GPR26: variants seen among roughly 807,000 people sequenced by gnomAD.
GPR26 encodes the protein G protein-coupled receptor 26.
In GPR26, 15 loss-of-function variants were observed where a neutral mutation model predicts 23.1. That is an observed-to-expected ratio of 0.65 (90% CI 0.43 to 1.00). The LOEUF (loss-of-function observed/expected upper bound fraction) is 1.00. Among genes scored for constraint, GPR26 ranks in the 50% least tolerant of loss-of-function variants. The pLI is 0.00. For synonymous variants in GPR26, 228 were observed against 222.1 expected (o/e 1.03, Z -0.24); for missense variants, 359 against 470.5 (o/e 0.76, Z 2.19).
At position 123,697,345 on chromosome 10, in the gene GPR26, TA is replaced by T. The variant is rs1247829105; in HGVS notation, c.*9186del. Among the ~76,000 whole-genome samples, 5 of 150,608 alleles carry T rather than the reference TA, an allele frequency of 3.3e-5. No homozygotes were observed. The highest frequency in any genetic ancestry group is 1.2e-4 in the African/African-American group (5 of 41,386). ...TTTTTATGATAGAATTGATGGTTAATACAGGGAAAAAGTATATATTGTGATT... is the reference window on the plus strand; with the variant it reads ...TTTTTATGATAGAATTGATGGTTAATCAGGGAAAAAGTATATATTGTGATT... On this transcript the variant is annotated 3_prime_UTR_variant, in exon 3 of 3. Coordinates refer to ENST00000284674, the MANE Select transcript of GPR26 (RefSeq NM_153442.4).
chr10:123,689,269 A>ATTTT lies in GPR26; in HGVS notation c.*1109_*1110insTTTT, dbSNP rs1564734211. 1 of 148,474 alleles carries ATTTT rather than the reference A, an allele frequency of 6.7e-6. No homozygotes were observed. The highest frequency in any genetic ancestry group is 2.5e-5 in the African/African-American group (1 of 40,372). 9.2% of individuals were successfully genotyped at this position (148,474 alleles called of 1,614,324 possible). ...GACAGTGAATTTTTTTTTTTTTTCG[A>ATTTT]GATGGGAGTTTCACTCTTATTGCCC... On this transcript the variant is annotated 3_prime_UTR_variant, in exon 3 of 3. Coordinates refer to ENST00000284674, the MANE Select transcript of GPR26 (RefSeq NM_153442.4).
intron 1 of GPR26, among the ~76,000 whole-genome samples, chr10:123,671,691 C>T (rs749651945): frequency 5.7e-4 from 86 of 152,110 alleles, no homozygotes; most frequent in Non-Finnish European, 8.8e-4. Context: ...TGAGAATGCC[C>T]GCCACTCAGT....
rs935283441 is a variant in GPR26 at position 123,667,067 on chromosome 10, G to A, written c.660G>A (p.Leu220=). 2 of 1,590,312 alleles carry A rather than the reference G, an allele frequency of 1.3e-6. No homozygotes were observed. Among genetic ancestry groups the A allele is most frequent in the African/African-American group, 1.3e-5 (1 of 74,466 alleles). Residue 220 remains leucine (L), a synonymous_variant, in exon 1 of 3, where the codon CTG becomes CTA. Coordinates refer to ENST00000284674, the MANE Select transcript of GPR26 (RefSeq NM_153442.4). ...AGACGCTGGTGCTGCTGGTGGACCT[G>A]CACCCCAGGTGAGCCGAGCGCAGCT... The part of the protein sequence containing the change: ...TMQTLVLLVD[L]HPSVRERCLE...
chr10:123,673,563 C>G (rs1416011465), intron 1 of GPR26, among the ~76,000 whole-genome samples: 1 of 152,194 alleles, frequency 6.6e-6, no homozygotes, highest in Non-Finnish European at 1.5e-5. Flanking sequence ...GTTGGAGGCA[C>G]AGGTGGCTCT....
chr10:123,685,342 A>G (rs1412993421), intron 2 of GPR26, among the ~76,000 whole-genome samples: 1 of 152,078 alleles, frequency 6.6e-6, no homozygotes, highest in African/African-American at 2.4e-5. Flanking sequence ...CAATATCGAA[A>G]CCCTTGCCTC....
rs753702968 is a variant in GPR26 at position 123,667,015 on chromosome 10, GCAAGCGCAT to G, written c.610_618del (p.Lys204_Ile206del). 1 of 1,611,122 alleles carries G rather than the reference GCAAGCGCAT, an allele frequency of 6.2e-7. No individual in the cohort carries two copies. The highest frequency in any genetic ancestry group is 2.2e-5 in the East Asian group (1 of 44,708). ...GTGCTCAAGGTGGCCCGCTTCCATT[GCAAGCGCAT>G]CGACGTGATCACCATGCAGACGCTG... On this transcript the variant is annotated inframe_deletion, in exon 1 of 3. Coordinates refer to ENST00000284674, the MANE Select transcript of GPR26 (RefSeq NM_153442.4).
chr10:123,681,905 G>A (rs543682357), intron 2 of GPR26, among the ~76,000 whole-genome samples: 2 of 152,338 alleles, frequency 1.3e-5, no homozygotes, highest in South Asian at 4.1e-4. Context: ...AACAAGGTAA[G>A]TGCTAGAATC....
At chr10:123,677,131 ACTATTGGACT>A (rs545180397) in intron 2 of GPR26, among the ~76,000 whole-genome samples, 348 of 152,132 alleles carry the variant, frequency 2.3e-3, no homozygotes, top group Admixed American at 5.8e-3. Flanking sequence ...CCAACTTCAA[ACTATTGGACT>A]TTTCTCTGGC....
At chr10:123,681,131 G>A (rs1423754664) in intron 2 of GPR26, among the ~76,000 whole-genome samples, 2 of 152,118 alleles carry the variant, frequency 1.3e-5, no homozygotes. Flanking sequence ...GAGCCACCAT[G>A]CCTGGCGCTA....
At position 123,694,784 on chromosome 10, in the gene GPR26, A is replaced by G. The variant is rs1332494145; in HGVS notation, c.*6624A>G. The stretch of plus-strand genomic sequence containing the variant: ...GAACGAAGAAGGAAGGAAGGAAGAA[A>G]GGAGAGAAAGGAGGAAGGAAAATGA... On this transcript the variant is annotated 3_prime_UTR_variant, in exon 3 of 3. Coordinates refer to ENST00000284674, the MANE Select transcript of GPR26 (RefSeq NM_153442.4). 6.6e-6 allele frequency among the ~76,000 whole-genome samples: 1 copy of G among 151,478 alleles called. No individual in the cohort carries two copies. Among genetic ancestry groups the G allele is most frequent in the Non-Finnish European group, 1.5e-5 (1 of 67,878 alleles).
intron 2 of GPR26, among the ~76,000 whole-genome samples, chr10:123,677,664 CTG>C (rs1845324823): frequency 6.6e-6 from 1 of 152,212 alleles, no homozygotes; most frequent in Non-Finnish European, 1.5e-5. Flanking sequence ...AGATGGAGCA[CTG>C]TGTCATGGGA....
At chr10:123,671,264 T>C (rs142489097) in intron 1 of GPR26, among the ~76,000 whole-genome samples, 1,747 of 152,282 alleles carry the variant, frequency 0.011, 25 homozygotes, top group African/African-American at 0.034. Flanking sequence ...ATTCCCAGAA[T>C]GTGCCATCCC....
At chr10:123,672,664 C>T (rs574908047) in intron 1 of GPR26, among the ~76,000 whole-genome samples, 92 of 152,328 alleles carry the variant, frequency 6.0e-4, no homozygotes, top group African/African-American at 1.8e-3. Context: ...GGAGGTGGTG[C>T]ACATGGCCCC....
rs869068039 is a variant in GPR26, at chr10:123,680,801, GT to G, written c.782+5878del. On this transcript the variant is annotated intron_variant, in intron 2 of 2. Coordinates refer to ENST00000284674, the MANE Select transcript of GPR26 (RefSeq NM_153442.4). Reference sequence around the variant, plus strand: ...CTGCACCTAGTTAACATTCTCTTGGGTTTTTTTTGTTTTGTTTTGTTTTTTT... The same window carrying G: ...CTGCACCTAGTTAACATTCTCTTGGGTTTTTTTGTTTTGTTTTGTTTTTTT... Among the ~76,000 whole-genome samples, 160 of 66,116 alleles carry G rather than the reference GT, an allele frequency of 2.4e-3. 3 individuals are homozygous for G. Among genetic ancestry groups the G allele is most frequent in the African/African-American group, 9.6e-3 (146 of 15,172 alleles). The allele number at this position is 66,116 out of a possible 152,430, so 43.4% of individuals were successfully genotyped here. A position where few individuals can be genotyped will look rare whatever the true frequency, so the allele number is the denominator to read the frequency against.
Position 123,697,391 on chromosome 10 carries a change from G to A in GPR26, c.*9231G>A, listed in dbSNP as rs1189551866. Among the ~76,000 whole-genome samples, 1 of 152,204 alleles carries A rather than the reference G, an allele frequency of 6.6e-6. No homozygotes were observed. The highest frequency in any genetic ancestry group is 1.9e-4 in the East Asian group (1 of 5,196). ...GTGATTCTGTCCAATAAAGCCTCCT[G>A]TTATAAAATCTCTTGCACACTTTTG... is the stretch of plus-strand genomic sequence containing the variant. On this transcript the variant is annotated 3_prime_UTR_variant, in exon 3 of 3. Transcript: ENST00000284674.
intron 1 of GPR26, among the ~76,000 whole-genome samples, chr10:123,672,492 G>A (rs1404719356): frequency 6.6e-6 from 1 of 152,198 alleles, no homozygotes; most frequent in African/African-American, 2.4e-5. Flanking sequence ...GAGGCCCAGG[G>A]AGGGTCACAG....
chr10:123,679,537 C>A (rs1043229064), intron 2 of GPR26, among the ~76,000 whole-genome samples: 13 of 152,212 alleles, frequency 8.5e-5, no homozygotes, highest in African/African-American at 2.9e-4. Flanking sequence ...TCAGATGATT[C>A]TAATTGCCAG....
intron 2 of GPR26, among the ~76,000 whole-genome samples, chr10:123,677,422 C>T (rs989511707): frequency 5.3e-5 from 8 of 152,144 alleles, no homozygotes; most frequent in African/African-American, 1.9e-4. Context: ...AGAACCCCGC[C>T]GGGCCCCACT....
At position 123,690,717 on chromosome 10, in the gene GPR26, C is replaced by G. The variant is rs1393136537; in HGVS notation, c.*2557C>G. On this transcript the variant is annotated 3_prime_UTR_variant, in exon 3 of 3. Transcript: ENST00000284674. Reference sequence around the variant, plus strand: ...TATTAGCAACCAGTGTTAGCCAACTCTGCTGTAATTACCTTTAGATAAATG... The same window carrying G: ...TATTAGCAACCAGTGTTAGCCAACTGTGCTGTAATTACCTTTAGATAAATG... 1 of 152,228 alleles carries G rather than the reference C, an allele frequency of 6.6e-6. No individual in the cohort carries two copies. Among genetic ancestry groups the G allele is most frequent in the African/African-American group, 2.4e-5 (1 of 41,452 alleles). The allele number at this position is 152,228 out of a possible 1,614,324, so 9.4% of individuals were successfully genotyped here. A position where few individuals can be genotyped will look rare whatever the true frequency, so the allele number is the denominator to read the frequency against.
Sources: allele counts gnomAD v4.1 joint callset (sites outside exome capture counted in the v4.1 genomes callset), GRCh38; gene constraint gnomAD v4.1.1; transcripts MANE v1.5; gene names NCBI Gene and HGNC (gene_info 2026-07-23, HGNC 2026-07-21).